Variants in SGCD observed in about 807,000 individuals in gnomAD.
The protein encoded by SGCD is delta-sarcoglycan.
A neutral mutation model predicts 36.6 loss-of-function variants in SGCD; 18 were observed. That is an observed-to-expected ratio of 0.49 (90% CI 0.34 to 0.73). The LOEUF is 0.73. Among genes scored for constraint, SGCD ranks in the 30% least tolerant of loss-of-function variants. SGCD has a pLI of 0.01. For synonymous variants in SGCD, 133 were observed against 130.6 expected (o/e 1.02, Z -0.12); for missense variants, 387 against 346.7 (o/e 1.12, Z -0.92).
intron 3 of SGCD, among the ~76,000 whole-genome samples, chr5:156,418,745 A>G (rs903856669): frequency 2.0e-5 from 3 of 152,172 alleles, no homozygotes; most frequent in Admixed American, 6.5e-5. Context: ...AAAACCAAGT[A>G]TCTGCTGCAG....
intron 1 of SGCD, among the ~76,000 whole-genome samples, chr5:155,899,716 G>T (rs114637035): frequency 6.6e-6 from 1 of 152,138 alleles, no homozygotes; most frequent in Admixed American, 6.5e-5. Context: ...TTTATGGAGG[G>T]CAATGAGGTT....
At chr5:155,807,341 A>G in the SGCD span, among the ~76,000 whole-genome samples, 1 of 152,250 alleles carries the variant, frequency 6.6e-6, no homozygotes, top group Non-Finnish European at 1.5e-5. Context: ...CCTTCTTACA[A>G]TAAGTGAGGA....
At chr5:156,444,098 CTCTCTCTCTCTCTCT>C (rs1398985299) in intron 3 of SGCD, among the ~76,000 whole-genome samples, 1,373 of 119,624 alleles carry the variant, frequency 0.011, 73 homozygotes, top group African/African-American at 0.047. Flanking sequence ...CTCTCTCTCT[CTCTCTCTCTCTCTCT>C]CTCCCCTTCC....
intron 1 of SGCD, among the ~76,000 whole-genome samples, chr5:155,891,214 A>T (rs1756121889): frequency 6.6e-6 from 1 of 152,188 alleles, no homozygotes; most frequent in East Asian, 1.9e-4. Flanking sequence ...ACTGGAGGCC[A>T]AGTGTTTCAG....
the SGCD span, among the ~76,000 whole-genome samples, chr5:155,820,502 A>T: frequency 2.0e-5 from 3 of 152,116 alleles, no homozygotes; most frequent in African/African-American, 7.2e-5. Flanking sequence ...TCTACTAAAA[A>T]TAAAAAAATA....
chr5:156,147,947 T>C (rs897965476), intron 3 of SGCD, among the ~76,000 whole-genome samples: 1 of 152,158 alleles, frequency 6.6e-6, no homozygotes, highest in African/African-American at 2.4e-5. Context: ...AGGAAGAAAT[T>C]AAGGAGAAAG....
intron 3 of SGCD, among the ~76,000 whole-genome samples, chr5:156,403,356 G>T (rs887597952): frequency 6.6e-6 from 1 of 152,124 alleles, no homozygotes; most frequent in South Asian, 2.1e-4. Flanking sequence ...GAGAACTCGC[G>T]GTCTATTAAG....
intron 3 of SGCD, among the ~76,000 whole-genome samples, chr5:156,284,214 T>C (rs936263960): frequency 2.4e-4 from 37 of 152,106 alleles, no homozygotes; most frequent in Non-Finnish European, 4.1e-4. Context: ...CAGGACCAGA[T>C]GGATTCACAG....
chr5:156,366,144 G>C (rs1561648017), intron 3 of SGCD, among the ~76,000 whole-genome samples: 1 of 152,224 alleles, frequency 6.6e-6, no homozygotes, highest in African/African-American at 2.4e-5. Flanking sequence ...GCTCCTGAGA[G>C]CAGCATCGCG....
At chr5:155,763,791 G>A in the SGCD span, among the ~76,000 whole-genome samples, 1 of 151,876 alleles carries the variant, frequency 6.6e-6, no homozygotes, top group Non-Finnish European at 1.5e-5. Flanking sequence ...GGTATAAAAA[G>A]CAATGACCCC....
chr5:155,930,151 A>G (rs1757073339), intron 1 of SGCD, among the ~76,000 whole-genome samples: 1 of 152,214 alleles, frequency 6.6e-6, no homozygotes. Flanking sequence ...CTTCTTGAGT[A>G]TAAGAAATTC....
intron 3 of SGCD, among the ~76,000 whole-genome samples, chr5:156,201,530 C>T (rs1171395534): frequency 1.3e-5 from 2 of 152,196 alleles, no homozygotes; most frequent in African/African-American, 4.8e-5. Context: ...TGGAGGCCCA[C>T]GGTTTAACAG....
intron 3 of SGCD, among the ~76,000 whole-genome samples, chr5:156,193,685 G>C (rs1402729163): frequency 6.6e-6 from 1 of 152,068 alleles, no homozygotes; most frequent in East Asian, 1.9e-4. Flanking sequence ...GCTCCTGTCA[G>C]TGGAGATCTA....
At chr5:156,553,932 T>C (rs1758896723) in intron 4 of SGCD, among the ~76,000 whole-genome samples, 1 of 152,218 alleles carries the variant, frequency 6.6e-6, no homozygotes, top group Non-Finnish European at 1.5e-5. Flanking sequence ...TGTACACATT[T>C]TTGTGTAAAT....
intron 1 of SGCD, among the ~76,000 whole-genome samples, chr5:155,995,986 C>CAAAAA (rs753195795): frequency 6.5e-4 from 30 of 45,962 alleles, no homozygotes; most frequent in South Asian, 1.9e-3. Flanking sequence ...CAGACCACAC[C>CAAAAA]AAAAAAAAAA....
chr5:155,841,919 T>G, the SGCD span, among the ~76,000 whole-genome samples: 1 of 152,020 alleles, frequency 6.6e-6, no homozygotes, highest in Non-Finnish European at 1.5e-5. Flanking sequence ...CTTCTGGTGG[T>G]GGGGTGGGTC....
At chr5:156,011,982 C>A (rs759174066) in intron 1 of SGCD, among the ~76,000 whole-genome samples, 2 of 152,168 alleles carry the variant, frequency 1.3e-5, no homozygotes, top group East Asian at 3.9e-4. Flanking sequence ...AAAACATAAA[C>A]CCTCTAAAAT....
chr5:156,120,287 A>C (rs780165443), intron 2 of SGCD, among the ~76,000 whole-genome samples: 1 of 152,110 alleles, frequency 6.6e-6, no homozygotes, highest in African/African-American at 2.4e-5. Context: ...TAAGGAAATG[A>C]GTGTTGTTCC....
chr5:156,541,111 C>T (rs1024232696), intron 4 of SGCD, among the ~76,000 whole-genome samples: 3 of 152,046 alleles, frequency 2.0e-5, no homozygotes, highest in African/African-American at 7.3e-5. Context: ...AATGTGAATG[C>T]AAAGATTCTA....
Sources: allele counts gnomAD v4.1 joint callset (sites outside exome capture counted in the v4.1 genomes callset), GRCh38; gene constraint gnomAD v4.1.1; transcripts MANE v1.5; gene names NCBI Gene and HGNC (gene_info 2026-07-23, HGNC 2026-07-21).